SRGAP3: variants seen among roughly 807,000 people sequenced by gnomAD.
SRGAP3 encodes the protein SLIT-ROBO Rho GTPase activating protein 3.
SRGAP3 carries 39 observed loss-of-function variants against 121.1 expected under a neutral mutation model. That is an observed-to-expected ratio of 0.32 (90% confidence interval 0.25 to 0.42). SRGAP3 has a LOEUF of 0.42. SRGAP3 is among the 10% of genes least tolerant of loss of function. SRGAP3 has a pLI of 1.00. For missense variants in SRGAP3, 1,213 were observed against 1,470.6 expected (o/e 0.82, Z 2.86); for synonymous variants, 601 against 570.0 (o/e 1.05, Z -0.77).
chr3:9,251,725 G>T (rs1401582019), upstream of SRGAP3, among the ~76,000 whole-genome samples: 2 of 152,184 alleles, frequency 1.3e-5, no homozygotes, highest in Non-Finnish European at 2.9e-5. Flanking sequence ...TCACAAAAAT[G>T]TCACAAAAAG....
intron 3 of SRGAP3, among the ~76,000 whole-genome samples, chr3:9,318,594 G>A (rs780179969): frequency 2.0e-5 from 3 of 151,558 alleles, no homozygotes; most frequent in Non-Finnish European, 2.9e-5. Flanking sequence ...TCAAGCCAGG[G>A]CCAGGTGCCG....
intron 13 of SRGAP3, among the ~76,000 whole-genome samples, chr3:9,025,680 G>A (rs1469604318): frequency 6.6e-6 from 1 of 152,182 alleles, no homozygotes; most frequent in African/African-American, 2.4e-5. Flanking sequence ...GCTGGGACTT[G>A]AGAGAAGTTA....
intron 14 of SRGAP3, among the ~76,000 whole-genome samples, chr3:9,024,952 G>C (rs967190197): frequency 6.6e-6 from 1 of 152,192 alleles, no homozygotes; most frequent in Non-Finnish European, 1.5e-5. Flanking sequence ...CATAGTAGTA[G>C]TAACAGTGGT....
chr3:9,321,715 C>G (rs1219856111), intron 3 of SRGAP3, among the ~76,000 whole-genome samples: 1 of 151,726 alleles, frequency 6.6e-6, no homozygotes, highest in Admixed American at 6.6e-5. Flanking sequence ...CCTCAGCAAA[C>G]TAACACAGGA....
intron 1 of SRGAP3, among the ~76,000 whole-genome samples, chr3:9,200,979 G>A (rs539966041): frequency 6.0e-4 from 91 of 152,254 alleles, no homozygotes; most frequent in African/African-American, 2.1e-3. Flanking sequence ...GAAATGCACC[G>A]AGGGAGGCCC....
intron 1 of SRGAP3, among the ~76,000 whole-genome samples, chr3:9,171,862 C>T (rs116407727): frequency 3.9e-5 from 6 of 152,080 alleles, no homozygotes; most frequent in Non-Finnish European, 7.4e-5. Context: ...GAAGAGGACA[C>T]GGTGCTTGTC....
rs775840760 is a variant in SRGAP3, at chr3:9,203,936, C to T, written c.67+44949G>A. On this transcript the variant is annotated intron_variant, in intron 1 of 21. Coordinates refer to ENST00000383836, the MANE Select transcript of SRGAP3 (RefSeq NM_014850.4). ...CTAAGTGGTTCACTCACTGATGGGG[C>T]CTGGTCTCTGGCCTGCTAAGGCAGC... Among the ~76,000 whole-genome samples, 19 of 152,204 alleles carry T rather than the reference C, an allele frequency of 1.2e-4. 1 individual carries two copies. The highest frequency in any genetic ancestry group is 7.2e-4 in the Admixed American group (11 of 15,288).
intron 3 of SRGAP3, among the ~76,000 whole-genome samples, chr3:9,297,260 T>C (rs552105750): frequency 6.6e-6 from 1 of 152,156 alleles, no homozygotes; most frequent in African/African-American, 2.4e-5. Flanking sequence ...TACAAAGCTA[T>C]GCAGGCCCAG....
At chr3:9,168,409 G>A (rs1324252100) in intron 1 of SRGAP3, among the ~76,000 whole-genome samples, 3 of 152,198 alleles carry the variant, frequency 2.0e-5, no homozygotes, top group Non-Finnish European at 2.9e-5. Context: ...TGGAGCTGAG[G>A]CCCTGCAGGA....
chr3:9,032,965 A>T (rs1439370957), intron 11 of SRGAP3, among the ~76,000 whole-genome samples: 1 of 151,992 alleles, frequency 6.6e-6, no homozygotes, highest in East Asian at 1.9e-4. Flanking sequence ...AGCAGGAGCA[A>T]CTCTTACATA....
chr3:9,170,389 AG>A (rs1422992761), intron 1 of SRGAP3, among the ~76,000 whole-genome samples: 1 of 152,108 alleles, frequency 6.6e-6, no homozygotes, highest in African/African-American at 2.4e-5. Context: ...ACAGCCTCGG[AG>A]TAGTAGTGCG....
At position 9,184,022 on chromosome 3, in the gene SRGAP3, A is replaced by G. The variant is rs9837477; in HGVS notation, c.68-59105T>C. 5.8e-3 allele frequency among the ~76,000 whole-genome samples: 878 copies of G among 152,274 alleles called. 9 individuals carry two copies. Among genetic ancestry groups the G allele is most frequent in the African/African-American group, 0.02 (832 of 41,550 alleles). ...TCTGAAAGGCTCTTTGTTGCTAGGC[A>G]GAATGCTTTCGGGGGCCCTTTGAAA... On this transcript the variant is annotated intron_variant, in intron 1 of 21. Coordinates refer to ENST00000383836, the MANE Select transcript of SRGAP3 (RefSeq NM_014850.4).
At chr3:9,291,828 C>T (rs781423717) in intron 3 of SRGAP3, among the ~76,000 whole-genome samples, 158 of 152,096 alleles carry the variant, frequency 1.0e-3, no homozygotes, top group Non-Finnish European at 1.8e-3. Context: ...ATTAGTTTCA[C>T]TTGCCAAAAA....
intron 1 of SRGAP3, among the ~76,000 whole-genome samples, chr3:9,232,149 C>T (rs1953234160): frequency 6.6e-6 from 1 of 152,204 alleles, no homozygotes. Flanking sequence ...CCTTACACTA[C>T]ATAATGAGCA....
At chr3:9,215,063 A>G (rs931237588) in intron 1 of SRGAP3, among the ~76,000 whole-genome samples, 2 of 152,202 alleles carry the variant, frequency 1.3e-5, no homozygotes, top group Non-Finnish European at 2.9e-5. Context: ...TCTACTTATA[A>G]TATCTTTTAT....
rs1941597174 is a variant in SRGAP3 at position 8,984,918 on chromosome 3, T to C, written c.*601A>G. 1.3e-5 allele frequency: 3 copies of C among 228,968 alleles called. No individual in the cohort carries two copies. The highest frequency in any genetic ancestry group is 1.3e-3 in the Middle Eastern group (1 of 788). 14.2% of individuals were successfully genotyped at this position (228,968 alleles called of 1,614,324 possible). ...GGTATATTGCTTCATTCGCAGTTACTATGGGCCTTTAAGTTCTCCCAGAAA... is the reference window on the plus strand; with the variant it reads ...GGTATATTGCTTCATTCGCAGTTACCATGGGCCTTTAAGTTCTCCCAGAAA... On this transcript the variant is annotated 3_prime_UTR_variant, in exon 22 of 22. Coordinates refer to ENST00000383836, the MANE Select transcript of SRGAP3 (RefSeq NM_014850.4).
chr3:9,039,264 C>A (rs1247684095), intron 10 of SRGAP3, among the ~76,000 whole-genome samples: 1 of 152,140 alleles, frequency 6.6e-6, no homozygotes, highest in African/African-American at 2.4e-5. Flanking sequence ...CCTACAAGTT[C>A]CTCAGTTTCT....
At chr3:9,132,803 G>A (rs1290394713) in intron 1 of SRGAP3, among the ~76,000 whole-genome samples, 6 of 151,228 alleles carry the variant, frequency 4.0e-5, no homozygotes, top group Non-Finnish European at 8.8e-5. Flanking sequence ...AGCAGTTTTA[G>A]GCTTACTGAA....
rs1408907999 is a variant in SRGAP3, at chr3:8,985,767, T to A, written c.3052A>T (p.Ile1018Phe). The A allele has an allele frequency of 2.5e-6, 4 of 1,599,594 alleles. No homozygotes were observed. The East Asian group carries it at 8.9e-5, about 36-fold the overall frequency. ...CGCATGGCGGCATCGGGGTCGCGGA[T>A]GACGATGGTGTGAAGGGGACTGGCG... is the stretch of plus-strand genomic sequence containing the variant. The part of the protein sequence containing the change: ...EPASPLHTIV[I>F]RDPDAAMRRS... Residue 1018 changes from isoleucine (I) to phenylalanine (F), a missense_variant, in exon 22 of 22, where the codon ATC becomes TTC. Around this residue, in one of 2 missense-constraint regions of SRGAP3, gnomAD observed 420 missense variants for 437.7 expected, o/e 0.96. Coordinates refer to ENST00000383836, the MANE Select transcript of SRGAP3 (RefSeq NM_014850.4). The surrounding 1 kb of genome is among the most constrained non-coding windows in gnomAD (Gnocchi z 5.1).
Sources: gnomAD v4.1 joint callset for allele counts (sites outside exome capture counted in the v4.1 genomes callset) on GRCh38, gnomAD v4.1.1 for gene constraint, gnomAD v4.1.1 regional missense constraint, Gnocchi (gnomAD v3.1) non-coding constraint, MANE v1.5 for transcripts, NCBI Gene and HGNC (gene_info 2026-07-23, HGNC 2026-07-21) for gene names.